Variants in PLEKHH1 observed in about 807,000 individuals in gnomAD.
The protein encoded by PLEKHH1 is pleckstrin homology domain-containing family H member 1.
A neutral mutation model predicts 160.0 loss-of-function variants in PLEKHH1; 104 were observed. The ratio of observed to expected loss-of-function variants is 0.65; its 90% confidence interval spans 0.55 to 0.76. The LOEUF is 0.76. Ranked by LOEUF, PLEKHH1 falls within the 30% of genes least tolerant of loss-of-function variation. The pLI, the probability that PLEKHH1 is intolerant of heterozygous loss-of-function variation, is 0.00. For missense variants in PLEKHH1, 1,427 were observed against 1,724.1 expected (o/e 0.83, Z 3.05); for synonymous variants, 619 against 678.4 (o/e 0.91, Z 1.36).
chr14:67,585,958 A>G lies in PLEKHH1; in HGVS notation c.3794A>G (p.His1265Arg), dbSNP rs770545289. 2 of 1,612,296 alleles carry G rather than the reference A, an allele frequency of 1.2e-6. No individual in the cohort carries two copies. The highest frequency in any genetic ancestry group is 2.7e-5 in the African/African-American group (2 of 74,902). The change falls in exon 28 of 29, where the codon CAC (histidine) becomes CGC (arginine). Residue 1265 changes from histidine (H) to arginine (R), a missense_variant. Around this residue, in one of 6 missense-constraint regions of PLEKHH1, gnomAD observed 56 missense variants for 53.0 expected, o/e 1.06. Transcript: ENST00000329153. The stretch of plus-strand genomic sequence containing the variant: ...ACTGGTTCCTTTCCACAGCAAGTGC[A>G]CATCACTTACCCCTACTCTTCAGTG... ...SILDHNTMQV[H>R]ITYPYSSVTT...
chr14:67,572,594 C>A lies in PLEKHH1; in HGVS notation c.1728+317C>A, dbSNP rs112790278. ...TGTTTTATCACCTGGAATACTAACG[C>A]AAGCTAACATTTATTGAACTCTTGG... On this transcript the variant is annotated intron_variant, in intron 11 of 28. Transcript: ENST00000329153. Among the ~76,000 whole-genome samples the A allele has an allele frequency of 4.6e-3, 679 of 147,016 alleles. 4 individuals are homozygous for A. The highest frequency in any genetic ancestry group is 0.01 in the Middle Eastern group (3 of 286).
rs756445213 is a variant in PLEKHH1, at chr14:67,562,292, G to A, written c.661G>A (p.Gly221Ser). ...LKAAVLAPSP[G>S]ALQSKDSVSE... ...GGCAGCTGTGCTTGCACCTTCCCCA[G>A]GTGCCCTGCAGAGCAAGGACTCTGT... Residue 221 changes from glycine to serine, a missense_variant, in exon 7 of 29, where the codon GGT becomes AGT. Physicochemically the swap from Gly to Ser is moderately conservative, Grantham distance 56. This residue lies in a region of PLEKHH1 where 831 missense variants were observed against 929.2 expected (regional missense o/e 0.89). Transcript: ENST00000329153. The A allele has an allele frequency of 1.2e-6, 2 of 1,613,762 alleles. No homozygotes were observed. The highest frequency in any genetic ancestry group is 1.7e-6 in the Non-Finnish European group (2 of 1,179,844).
Position 67,588,773 on chromosome 14 carries a change from ATGTG to A in PLEKHH1, c.*1542_*1545del, listed in dbSNP as rs1199901449. ...CAAAACCAAGCCTTTAACCCCAACA[ATGTG>A]TGTATCTTTTGCACAGCAAAAACTG... On this transcript the variant is annotated 3_prime_UTR_variant, in exon 29 of 29. Transcript: ENST00000329153. The A allele has an allele frequency of 1.3e-5, 2 of 152,576 alleles. No individual in the cohort carries two copies. Among genetic ancestry groups the A allele is most frequent in the South Asian group, 2.1e-4 (1 of 4,826 alleles). The allele number at this position is 152,576 out of a possible 1,614,324, so 9.5% of individuals were successfully genotyped here. A position where few individuals can be genotyped will look rare whatever the true frequency, so the allele number is the denominator to read the frequency against.
At chr14:67,542,024 C>T (rs2033986327) in intron 2 of PLEKHH1, 31 bp downstream of exon 2, 4 of 1,562,536 alleles carry the variant, frequency 2.6e-6, no homozygotes, top group South Asian at 2.4e-5. Context: ...AGCTGCCTCT[C>T]CACACGCAGA....
Position 67,573,861 on chromosome 14 carries a change from C to G in PLEKHH1, c.1900C>G (p.Arg634Gly). ...VDLNSRCQIV[R>G]GEGSQTFQLI... ...TCTGAACTCCCGCTGCCAAATTGTTCGAGGGGAGGGTTCACAGACGTTTCA... is the reference window on the plus strand; with the variant it reads ...TCTGAACTCCCGCTGCCAAATTGTTGGAGGGGAGGGTTCACAGACGTTTCA... The change falls in exon 13 of 29, where the codon CGA (arginine) becomes GGA (glycine). Residue 634 changes from arginine to glycine, a missense_variant. Transcript: ENST00000329153. The surrounding 1 kb of genome is among the most constrained non-coding windows in gnomAD (Gnocchi z 4.8). The G allele has an allele frequency of 6.2e-7, 1 of 1,613,386 alleles. No homozygotes were observed.
intron 2 of PLEKHH1, 147 bp from the exon 3 acceptor site, chr14:67,555,678 T>C (rs778950662): frequency 8.4e-5 from 99 of 1,176,402 alleles, no homozygotes; most frequent in Non-Finnish European, 1.1e-4. Flanking sequence ...TTGAAAATCC[T>C]TACCCTGACA....
Position 67,535,189 on chromosome 14 carries a change from A to G in PLEKHH1, c.-35+1791A>G, listed in dbSNP as rs371782081. ...CCTGTAGATGCTCTGAATATCTCTGAGAGAACACACAGAAACCTGTAACAG... is the reference window on the plus strand; with the variant it reads ...CCTGTAGATGCTCTGAATATCTCTGGGAGAACACACAGAAACCTGTAACAG... On this transcript the variant is annotated intron_variant, in intron 1 of 28. Transcript: ENST00000329153. Among the ~76,000 whole-genome samples, 55 of 152,268 alleles carry G rather than the reference A, an allele frequency of 3.6e-4. 2 individuals are homozygous for G. In the South Asian group the frequency reaches 0.011, roughly 30 times the overall value.
chr14:67,558,750 G>A (rs2034698874), intron 4 of PLEKHH1, among the ~76,000 whole-genome samples: 1 of 152,226 alleles, frequency 6.6e-6, no homozygotes, highest in Non-Finnish European at 1.5e-5. Context: ...GAAGCACAAA[G>A]ACAATATCAA....
At chr14:67,561,888 A>G in intron 5 of PLEKHH1, 66 bp from the exon 6 acceptor site, 1 of 1,115,214 alleles carries the variant, frequency 9.0e-7, no homozygotes, top group Non-Finnish European at 1.3e-6. Flanking sequence ...AAAAAAAAAG[A>G]ATTGAAAAAA....
intron 7 of PLEKHH1, among the ~76,000 whole-genome samples, chr14:67,567,722 TA>T (rs2035174228): frequency 6.6e-6 from 1 of 152,094 alleles, no homozygotes; most frequent in African/African-American, 2.4e-5. Flanking sequence ...GACACCCTGA[TA>T]GGCACCCACC....
chr14:67,585,898 G>T lies in PLEKHH1; in HGVS notation c.3787-53G>T, dbSNP rs148037401. The T allele has an allele frequency of 2.6e-6, 4 of 1,565,744 alleles. No homozygotes were observed. The African/African-American group carries it at 5.4e-5, about 21-fold the overall frequency. ...AAGAGACAGGGGATGCTGGTTCCTA[G>T]CTCAGGGGACAGGTGGAAAGTTTCC... On this transcript the variant is annotated intron_variant, in intron 27 of 28. Transcript: ENST00000329153.
intron 3 of PLEKHH1, among the ~76,000 whole-genome samples, chr14:67,556,813 C>T (rs1175037936): frequency 3.3e-5 from 5 of 152,196 alleles, no homozygotes; most frequent in African/African-American, 9.7e-5. Context: ...TTGGTTGGAT[C>T]AATGACATGG....
At chr14:67,547,130 G>C (rs2034212732) in intron 2 of PLEKHH1, among the ~76,000 whole-genome samples, 1 of 152,126 alleles carries the variant, frequency 6.6e-6, no homozygotes, top group Non-Finnish European at 1.5e-5. Flanking sequence ...GGAAATGTTA[G>C]GGGTGCATAG....
At position 67,587,946 on chromosome 14, in the gene PLEKHH1, C is replaced by T. The variant is rs549320439; in HGVS notation, c.*711C>T. 6.5e-6 allele frequency: 1 copy of T among 152,816 alleles called. No homozygotes were observed. The highest frequency in any genetic ancestry group is 2.1e-4 in the South Asian group (1 of 4,830). 9.5% of individuals were successfully genotyped at this position (152,816 alleles called of 1,614,324 possible). ...GACTAAAATTTCCAATTCTCCTACA[C>T]TCTGTCAGAAGCCTAGAACTCACTA... is the stretch of plus-strand genomic sequence containing the variant. On this transcript the variant is annotated 3_prime_UTR_variant, in exon 29 of 29. Transcript: ENST00000329153.
In PLEKHH1 at chr14:67,571,816, G is replaced by A; in HGVS notation, c.1499G>A (p.Ser500Asn). The A allele has an allele frequency of 6.2e-7, 1 of 1,613,952 alleles. No homozygotes were observed. Among genetic ancestry groups the A allele is most frequent in the Non-Finnish European group, 8.5e-7 (1 of 1,179,838 alleles). ...TCCTCTGGGTCTGACGATGACTGCA[G>A]CTCTCAGGCGAGTTTCCGAATCTCG... Reference protein sequence around the residue: ...DESSGSDDDCSSQASFRISVP... With the variant: ...DESSGSDDDCNSQASFRISVP... Residue 500 changes from serine (S) to asparagine (N), a missense_variant, in exon 10 of 29, where the codon AGC becomes AAC. This residue lies in a region of PLEKHH1 where 831 missense variants were observed against 929.2 expected (regional missense o/e 0.89). Coordinates refer to ENST00000329153, the MANE Select transcript of PLEKHH1 (RefSeq NM_020715.3).
At position 67,551,112 on chromosome 14, in the gene PLEKHH1, T is replaced by C. The variant is rs893017740; in HGVS notation, c.127-4713T>C. 3.3e-5 allele frequency among the ~76,000 whole-genome samples: 5 copies of C among 152,216 alleles called. No homozygotes were observed. In the South Asian group the frequency reaches 8.3e-4, roughly 25 times the overall value. On this transcript the variant is annotated intron_variant, in intron 2 of 28. Coordinates refer to ENST00000329153, the MANE Select transcript of PLEKHH1 (RefSeq NM_020715.3). ...CTAAATGCCCACAACACAGTGTGAG[T>C]CTTATAGGACACTCTTTAAATTAAT... is the stretch of plus-strand genomic sequence containing the variant.
In PLEKHH1 at chr14:67,578,201, T is replaced by C. The variant is rs1265014263; in HGVS notation, c.2751+2T>C. On this transcript the variant is annotated splice_donor_variant, in intron 19 of 28. Coordinates refer to ENST00000329153, the MANE Select transcript of PLEKHH1 (RefSeq NM_020715.3). LOFTEE classifies it high-confidence loss of function. The surrounding 1 kb of genome is among the most constrained non-coding windows in gnomAD (Gnocchi z 5.0). ...CCTCAGAAGTACTCCCTCATGCAGGTAGGCATGCCAGGGGTGGAGCAGCTG... is the reference window on the plus strand; with the variant it reads ...CCTCAGAAGTACTCCCTCATGCAGGCAGGCATGCCAGGGGTGGAGCAGCTG... 1 of 1,612,320 alleles carries C rather than the reference T, an allele frequency of 6.2e-7. No individual in the cohort carries two copies.
intron 2 of PLEKHH1, 128 bp from the exon 3 acceptor site, chr14:67,555,697 C>A: frequency 7.4e-7 from 1 of 1,346,684 alleles, no homozygotes; most frequent in Non-Finnish European, 1.0e-6. Context: ...CACTCTCGAG[C>A]CACTTGAGAT....
intron 2 of PLEKHH1, among the ~76,000 whole-genome samples, chr14:67,552,377 G>A (rs565785574): frequency 1.3e-5 from 2 of 152,192 alleles, no homozygotes; most frequent in Non-Finnish European, 2.9e-5. Context: ...TGATGCTGGG[G>A]CTAAAGTGTT....
Sources: gnomAD v4.1 joint callset for allele counts (sites outside exome capture counted in the v4.1 genomes callset) on GRCh38, gnomAD v4.1.1 for gene constraint, gnomAD v4.1.1 regional missense constraint, Gnocchi (gnomAD v3.1) non-coding constraint, MANE v1.5 for transcripts, NCBI Gene and HGNC (gene_info 2026-07-23, HGNC 2026-07-21) for gene names.